TRMT11: variants seen among roughly 807,000 people sequenced by gnomAD.
The protein encoded by TRMT11 is tRNA (guanine(10)-N(2))-methyltransferase TRMT11.
Under a neutral mutation model 62.8 loss-of-function variants are expected in TRMT11, and 53 were observed. The observed-to-expected ratio is 0.84, with a 90% CI of 0.68 to 1.06. The LOEUF is 1.06. Among genes scored for constraint, TRMT11 ranks in the 50% least tolerant of loss-of-function variants. The pLI, the probability that TRMT11 is intolerant of heterozygous loss-of-function variation, is 0.00. For synonymous variants in TRMT11, 188 were observed against 190.3 expected (o/e 0.99, Z 0.10); for missense variants, 556 against 553.4 (o/e 1.00, Z -0.05).
chr6:126,170,260 C>T (rs1462167363), intron 21 of TRMT11, among the ~76,000 whole-genome samples: 1 of 152,100 alleles, frequency 6.6e-6, no homozygotes, highest in Non-Finnish European at 1.5e-5. Flanking sequence ...TGCATTCATA[C>T]CTCCTGCTTC....
At chr6:126,053,111 CCT>C (rs1465180468) in intron 16 of TRMT11, among the ~76,000 whole-genome samples, 1 of 150,748 alleles carries the variant, frequency 6.6e-6, no homozygotes, top group Non-Finnish European at 1.5e-5. Context: ...TTTTTTTTTG[CCT>C]CTCAACAAGG....
rs1554236842 is a variant in TRMT11, at chr6:126,093,631, A to ATATATATATTTTTTTTTT, written c.*1438-19234_*1438-19233insATATATATTTTTTTTTTT. Among the ~76,000 whole-genome samples the ATATATATATTTTTTTTTT allele has an allele frequency of 6.1e-5, 6 of 98,012 alleles. 1 individual carries two copies. Among genetic ancestry groups the ATATATATATTTTTTTTTT allele is most frequent in the African/African-American group, 2.6e-4 (6 of 22,926 alleles). The allele number at this position is 98,012 out of a possible 152,430, so 64.3% of individuals were successfully genotyped here. A position where few individuals can be genotyped will look rare whatever the true frequency, so the allele number is the denominator to read the frequency against. Reference sequence around the variant, plus strand: ...TATATATATATATATATATATATATATTTTCCCCCAGTCCTGGAGGATCAA... The same window carrying ATATATATATTTTTTTTTT: ...TATATATATATATATATATATATATATATATATATTTTTTTTTTTTTTCCCCCAGTCCTGGAGGATCAA... On this transcript the variant is annotated intron_variant and NMD_transcript_variant, in intron 17 of 22. Coordinates refer to the TRMT11 transcript ENST00000648977.
downstream of TRMT11, among the ~76,000 whole-genome samples, chr6:126,044,136 A>G (rs1284343525): frequency 1.3e-5 from 2 of 151,924 alleles, no homozygotes; most frequent in Non-Finnish European, 2.9e-5. Context: ...GCCCATGCCT[A>G]TGTCCTGAAT....
chr6:126,171,044 C>T (rs1778324129), intron 21 of TRMT11, among the ~76,000 whole-genome samples: 2 of 152,098 alleles, frequency 1.3e-5, no homozygotes, highest in Admixed American at 1.3e-4. Context: ...ACTTTGACCT[C>T]CTTTACTGAT....
chr6:126,257,933 G>C, the TRMT11 span: 1 of 1,548,248 alleles, frequency 6.5e-7, no homozygotes. Flanking sequence ...ACTTCTTCTG[G>C]GGTGTGCTCA....
chr6:126,240,202 C>G, the TRMT11 span, among the ~76,000 whole-genome samples: 1 of 152,212 alleles, frequency 6.6e-6, no homozygotes, highest in Non-Finnish European at 1.5e-5. Context: ...GCCTTCTTCT[C>G]TCAACTCGTC....
intron 12 of TRMT11, among the ~76,000 whole-genome samples, chr6:126,025,673 A>T (rs994821078): frequency 6.6e-6 from 1 of 152,208 alleles, no homozygotes; most frequent in Admixed American, 6.5e-5. Context: ...GCAAGTGGTG[A>T]CATAAAATTG....
intron 11 of TRMT11, among the ~76,000 whole-genome samples, chr6:126,015,216 C>T (rs973984926): frequency 6.6e-6 from 1 of 151,882 alleles, no homozygotes. Flanking sequence ...GACTCCTGCA[C>T]ATATCTATTA....
rs747732454 is a variant in TRMT11, at chr6:126,013,055, G to A, written c.1093G>A (p.Val365Ile). The change falls in exon 11 of 13, where the codon GTT becomes ATT. Residue 365 changes from valine to isoleucine, a missense_variant. Physicochemically the swap from Val to Ile is conservative, Grantham distance 29 (BLOSUM62 3). Coordinates refer to ENST00000334379, the MANE Select transcript of TRMT11 (RefSeq NM_001031712.3). ...GTTAAACTTCGCAGCTGAGACCCTCGTTTTAGGTGGAAGACTAGTCTATTG... is the reference window on the plus strand; with the variant it reads ...GTTAAACTTCGCAGCTGAGACCCTCATTTTAGGTGGAAGACTAGTCTATTG... ...DLLNFAAETL[V>I]LGGRLVYWLP... 1.9e-5 allele frequency: 31 copies of A among 1,613,678 alleles called. No individual in the cohort carries two copies. The highest frequency in any genetic ancestry group is 1.5e-4 in the African/African-American group (11 of 74,912).
chr6:126,209,448 C>T, the TRMT11 span, among the ~76,000 whole-genome samples: 138 of 151,972 alleles, frequency 9.1e-4, no homozygotes, highest in African/African-American at 3.1e-3. Context: ...AGGCCGGGCG[C>T]GGTGGCTCAC....
intron 21 of TRMT11, among the ~76,000 whole-genome samples, chr6:126,148,065 G>A (rs1777994674): frequency 1.3e-5 from 2 of 152,034 alleles, no homozygotes; most frequent in South Asian, 4.1e-4. Context: ...AAAAATTCCT[G>A]AGATTGTATG....
intron 21 of TRMT11, among the ~76,000 whole-genome samples, chr6:126,165,451 CAGG>C (rs1277533799): frequency 3.3e-5 from 5 of 152,094 alleles, no homozygotes; most frequent in Non-Finnish European, 7.4e-5. Context: ...GTGCTTCCTT[CAGG>C]AGTTCTTGTA....
intron 17 of TRMT11, among the ~76,000 whole-genome samples, chr6:126,093,037 C>A (rs1178898434): frequency 1.3e-5 from 2 of 152,062 alleles, no homozygotes; most frequent in African/African-American, 4.8e-5. Flanking sequence ...TTTTAATCTG[C>A]CTCATGAACT....
chr6:126,185,629 A>T (rs140807908), intron 1 of TRMT11, among the ~76,000 whole-genome samples: 3 of 152,302 alleles, frequency 2.0e-5, no homozygotes, highest in Admixed American at 6.5e-5. Context: ...TGATAAAATA[A>T]ATGAGACCAT....
In TRMT11 at chr6:126,039,030, C is replaced by T. The variant is rs769971941; in HGVS notation, c.*194C>T. 1.7e-4 allele frequency: 76 copies of T among 434,298 alleles called. No homozygotes were observed. Among genetic ancestry groups the T allele is most frequent in the Middle Eastern group, 6.1e-4 (1 of 1,648 alleles). The allele number at this position is 434,298 out of a possible 1,614,324, so 26.9% of individuals were successfully genotyped here. On this transcript the variant is annotated 3_prime_UTR_variant, in exon 13 of 13. Coordinates refer to ENST00000334379, the MANE Select transcript of TRMT11 (RefSeq NM_001031712.3). ...ACTTTTTTGTTGTATGTATTACAGT[C>T]TTTATAATCTTATTTAATGTATATT...
At chr6:126,024,287 C>T (rs956463290) in intron 12 of TRMT11, among the ~76,000 whole-genome samples, 2 of 152,208 alleles carry the variant, frequency 1.3e-5, no homozygotes, top group African/African-American at 4.8e-5. Context: ...TCTTACAGTT[C>T]TGGAGGCTGG....
At chr6:126,092,451 C>CT (rs1167800380) in intron 17 of TRMT11, among the ~76,000 whole-genome samples, 15 of 152,256 alleles carry the variant, frequency 9.9e-5, no homozygotes, top group African/African-American at 3.6e-4. Context: ...GACATATGCA[C>CT]TACCATGAGA....
At chr6:126,029,128 T>G (rs930742216) in intron 12 of TRMT11, among the ~76,000 whole-genome samples, 2 of 152,200 alleles carry the variant, frequency 1.3e-5, no homozygotes, top group Non-Finnish European at 2.9e-5. Flanking sequence ...TGTATTTTTC[T>G]TATTTGTCAT....
chr6:126,035,158 A>G (rs1774941542), intron 12 of TRMT11, among the ~76,000 whole-genome samples: 1 of 152,042 alleles, frequency 6.6e-6, no homozygotes, highest in South Asian at 2.1e-4. Context: ...TTAAATGTGT[A>G]TTGTTCATAG....
Sources: gnomAD v4.1 joint callset for allele counts (sites outside exome capture counted in the v4.1 genomes callset) on GRCh38, gnomAD v4.1.1 for gene constraint, MANE v1.5 for transcripts, NCBI Gene and HGNC (gene_info 2026-07-23, HGNC 2026-07-21) for gene names.